SNTG1: variants seen among roughly 807,000 people sequenced by gnomAD.
The protein encoded by SNTG1 is gamma-1-syntrophin.
A neutral mutation model predicts 74.7 loss-of-function variants in SNTG1; 39 were observed. The ratio of observed to expected loss-of-function variants is 0.52; its 90% CI spans 0.40 to 0.68. The LOEUF (loss-of-function observed/expected upper bound fraction) is 0.68. SNTG1 is among the 30% of genes least tolerant of loss of function. The probability of loss-of-function intolerance (pLI) is 0.00; values close to 1 mark genes in which losing one functional copy is unlikely to be tolerated. For missense variants in SNTG1, 685 were observed against 609.5 expected, an observed-to-expected ratio of 1.12 and a Z score of -1.30; for synonymous variants, 254 against 217.1, an observed-to-expected ratio of 1.17 and a Z score of -1.49.
chr8:50,078,634 T>G (rs1359196722), intron 1 of SNTG1, among the ~76,000 whole-genome samples: 1 of 152,172 alleles, frequency 6.6e-6, no homozygotes, highest in Admixed American at 6.6e-5. Flanking sequence ...CATGGTGGTT[T>G]GCTGCACTTA....
chr8:50,314,573 T>C (rs1473088042), intron 2 of SNTG1, among the ~76,000 whole-genome samples: 1 of 149,658 alleles, frequency 6.7e-6, no homozygotes, highest in African/African-American at 2.5e-5. Context: ...GAATAAAGTA[T>C]ATTGGGAGGT....
intron 9 of SNTG1, among the ~76,000 whole-genome samples, chr8:50,505,882 C>T (rs977316827): frequency 6.6e-6 from 1 of 151,980 alleles, no homozygotes; most frequent in Non-Finnish European, 1.5e-5. Context: ...ATTTTTGCTT[C>T]TAATGCCTGT....
chr8:50,045,922 G>T (rs1471674310), intron 1 of SNTG1, among the ~76,000 whole-genome samples: 1 of 152,164 alleles, frequency 6.6e-6, no homozygotes, highest in African/African-American at 2.4e-5. Flanking sequence ...GTGTGAAGAA[G>T]CTCAACGAGA....
At chr8:50,082,355 T>G (rs1461670287) in intron 1 of SNTG1, among the ~76,000 whole-genome samples, 1 of 152,232 alleles carries the variant, frequency 6.6e-6, no homozygotes, top group East Asian at 1.9e-4. Context: ...ATGAGCATTT[T>G]GATAATGTAT....
chr8:50,022,608 T>C (rs1460042377), intron 1 of SNTG1, among the ~76,000 whole-genome samples: 2 of 152,188 alleles, frequency 1.3e-5, no homozygotes, highest in Non-Finnish European at 2.9e-5. Flanking sequence ...TGAAAGTGGA[T>C]TTAATTAAGT....
At chr8:50,315,572 T>G (rs2090284141) in intron 2 of SNTG1, among the ~76,000 whole-genome samples, 1 of 149,926 alleles carries the variant, frequency 6.7e-6, no homozygotes, top group Non-Finnish European at 1.5e-5. Flanking sequence ...CATATTGAAA[T>G]GTTGAGTGGA....
At chr8:50,573,790 A>G (rs2094561856) in intron 12 of SNTG1, among the ~76,000 whole-genome samples, 1 of 151,908 alleles carries the variant, frequency 6.6e-6, no homozygotes, top group Admixed American at 6.6e-5. Context: ...CTAATGAAAA[A>G]GTTTCTATTT....
At position 50,489,972 on chromosome 8, in the gene SNTG1, T is replaced by C. The variant is rs561133749; in HGVS notation, c.364-12806T>C. 2.6e-5 allele frequency among the ~76,000 whole-genome samples: 4 copies of C among 152,324 alleles called. No individual in the cohort carries two copies. The South Asian group carries it at 8.3e-4, about 32-fold the overall frequency. Reference sequence around the variant, plus strand: ...TTAGGTGTAAGCAAGGGGTCCAGTTTCAGTGTCCTGCATGTGGCTAGCCAG... The same window carrying C: ...TTAGGTGTAAGCAAGGGGTCCAGTTCCAGTGTCCTGCATGTGGCTAGCCAG... On this transcript the variant is annotated intron_variant, in intron 8 of 18. Transcript: ENST00000642720.
In SNTG1 at chr8:50,792,953, G is replaced by A; in HGVS notation, c.*124G>A. On this transcript the variant is annotated 3_prime_UTR_variant, in exon 19 of 19. Transcript: ENST00000642720. ...ACAGTGGAGGCAAATCAAAATTTCG[G>A]CAGAAAAAGAAGGTCATGTGGAACC... 1 of 1,144,396 alleles carries A rather than the reference G, an allele frequency of 8.7e-7. No individual in the cohort carries two copies. Among genetic ancestry groups the A allele is most frequent in the Admixed American group, 2.8e-5 (1 of 35,896 alleles). The allele number at this position is 1,144,396 out of a possible 1,614,324, so 70.9% of individuals were successfully genotyped here.
chr8:50,660,291 A>G (rs2095212590), intron 15 of SNTG1, among the ~76,000 whole-genome samples: 3 of 149,874 alleles, frequency 2.0e-5, no homozygotes. Context: ...GGAAAGAAGA[A>G]AGAAAGAGAA....
At chr8:50,734,953 ATATCTATATATCCATATATATC>A (rs1249219221) in intron 17 of SNTG1, among the ~76,000 whole-genome samples, 8 of 60,820 alleles carry the variant, frequency 1.3e-4, no homozygotes, top group African/African-American at 1.1e-3. Context: ...ATGGACATAT[ATATCTATATATCCATATATATC>A]TATCCATATA....
intron 1 of SNTG1, among the ~76,000 whole-genome samples, chr8:50,076,252 A>G (rs533856628): frequency 2.2e-4 from 33 of 152,154 alleles, no homozygotes; most frequent in Non-Finnish European, 4.1e-4. Flanking sequence ...TCAGTCATAC[A>G]TCTGGCAAGG....
At chr8:50,580,734 C>A (rs1311336546) in intron 12 of SNTG1, among the ~76,000 whole-genome samples, 1 of 152,096 alleles carries the variant, frequency 6.6e-6, no homozygotes, top group Non-Finnish European at 1.5e-5. Flanking sequence ...TTTCTTGAGG[C>A]CTCCCCAGGC....
chr8:50,640,382 C>G lies in SNTG1; in HGVS notation c.850-16527C>G, dbSNP rs1274844678. 3.3e-5 allele frequency among the ~76,000 whole-genome samples: 5 copies of G among 152,308 alleles called. No homozygotes were observed. In the East Asian group the frequency reaches 5.8e-4, roughly 18 times the overall value. On this transcript the variant is annotated intron_variant, in intron 13 of 18. Transcript: ENST00000642720. ...TAATCTACATTCTTTTCACCTTACT[C>G]TGCTAATTGAAAGCTGGCTTTCCTG...
At chr8:50,104,212 GC>G (rs1305212097) in intron 1 of SNTG1, among the ~76,000 whole-genome samples, 1 of 152,124 alleles carries the variant, frequency 6.6e-6, no homozygotes, top group East Asian at 1.9e-4. Context: ...TGGTTGGTAA[GC>G]TGTTGATTAT....
chr8:50,694,781 C>A (rs1490874641), intron 15 of SNTG1, among the ~76,000 whole-genome samples: 1 of 151,142 alleles, frequency 6.6e-6, no homozygotes, highest in African/African-American at 2.4e-5. Flanking sequence ...TCAACATTTG[C>A]AAATTAATAA....
At chr8:50,709,972 G>A (rs944039999) in intron 17 of SNTG1, among the ~76,000 whole-genome samples, 1 of 152,168 alleles carries the variant, frequency 6.6e-6, no homozygotes, top group Non-Finnish European at 1.5e-5. Context: ...AAATAAAACA[G>A]TGATACGAAT....
chr8:49,969,221 A>T (rs567747566), intron 1 of SNTG1, among the ~76,000 whole-genome samples: 1 of 151,790 alleles, frequency 6.6e-6, no homozygotes, highest in Non-Finnish European at 1.5e-5. Context: ...TACTTTTTAA[A>T]TTTTTTTCTT....
At chr8:50,215,443 T>C (rs2131944897) in intron 2 of SNTG1, among the ~76,000 whole-genome samples, 1 of 147,388 alleles carries the variant, frequency 6.8e-6, no homozygotes, top group East Asian at 2.0e-4. Flanking sequence ...ATAGTCTATA[T>C]ATATGTAGTC....
Sources: allele counts gnomAD v4.1 joint callset (sites outside exome capture counted in the v4.1 genomes callset), GRCh38; gene constraint gnomAD v4.1.1; transcripts MANE v1.5; gene names NCBI Gene and HGNC (gene_info 2026-07-23, HGNC 2026-07-21).